TIAM1: variants seen among roughly 807,000 people sequenced by gnomAD.
TIAM1 encodes the protein TIAM Rac1 associated GEF 1, also known as rho guanine nucleotide exchange factor TIAM1.
Under a neutral mutation model 163.5 loss-of-function variants are expected in TIAM1, and 65 were observed. The observed-to-expected ratio is 0.40, with a 90% CI of 0.33 to 0.49. The LOEUF (loss-of-function observed/expected upper bound fraction) is 0.49, where lower values mean the gene tolerates loss of function less well. TIAM1 is among the 20% of genes least tolerant of loss of function. The pLI is 0.77. For synonymous variants in TIAM1, 833 were observed against 810.1 expected (o/e 1.03, Z -0.48); for missense variants, 1,789 against 2,044.7 (o/e 0.87, Z 2.41).
intron 22 of TIAM1, among the ~76,000 whole-genome samples, chr21:31,139,394 A>G (rs1832122104): frequency 6.6e-6 from 1 of 152,214 alleles, no homozygotes; most frequent in South Asian, 2.1e-4. Flanking sequence ...AAAAAAGTTT[A>G]CAGTATTATT....
intron 2 of TIAM1, among the ~76,000 whole-genome samples, chr21:31,387,195 CTTTTTTTTTTTTTTT>C: frequency 1.3e-5 from 1 of 75,162 alleles, no homozygotes; most frequent in South Asian, 4.6e-4. Context: ...AGCTTATTCT[CTTTTTTTTTTTTTTT>C]TTTTTTTTTT....
At chr21:31,521,407 T>C (rs2047578975) in intron 1 of TIAM1, among the ~76,000 whole-genome samples, 2 of 152,278 alleles carry the variant, frequency 1.3e-5, no homozygotes, top group South Asian at 2.1e-4. Flanking sequence ...AGCACTGATA[T>C]TCACATCACA....
intron 7 of TIAM1, among the ~76,000 whole-genome samples, chr21:31,224,602 G>C (rs148376788): frequency 2.9e-4 from 44 of 152,272 alleles, no homozygotes; most frequent in African/African-American, 1.1e-3. Context: ...TTACATTTTG[G>C]GCCAGATTAA....
intron 2 of TIAM1, among the ~76,000 whole-genome samples, chr21:31,374,297 T>A (rs1282004024): frequency 6.6e-6 from 1 of 152,182 alleles, no homozygotes; most frequent in Non-Finnish European, 1.5e-5. Context: ...AAGCAACCAC[T>A]GGGCAAACGA....
intron 1 of TIAM1, among the ~76,000 whole-genome samples, chr21:31,539,995 C>G (rs1016241239): frequency 6.7e-6 from 1 of 148,486 alleles, no homozygotes; most frequent in African/African-American, 2.5e-5. Flanking sequence ...AGTTCAAGAC[C>G]AGCCTAGGCA....
chr21:31,378,136 C>CA (rs367907079), intron 2 of TIAM1, among the ~76,000 whole-genome samples: 11,795 of 47,854 alleles, frequency 0.25, 1,275 homozygotes, highest in Non-Finnish European at 0.28. Context: ...AACTCTGTCT[C>CA]AAAAAAAAAA....
intron 2 of TIAM1, among the ~76,000 whole-genome samples, chr21:31,286,370 T>C (rs1449151428): frequency 6.6e-6 from 1 of 151,890 alleles, no homozygotes; most frequent in Non-Finnish European, 1.5e-5. Context: ...TCGAGACCAG[T>C]CTGGGCAACA....
intron 2 of TIAM1, among the ~76,000 whole-genome samples, chr21:31,289,637 G>A (rs1006740830): frequency 6.6e-6 from 1 of 152,144 alleles, no homozygotes; most frequent in Non-Finnish European, 1.5e-5. Flanking sequence ...AGCATATGAA[G>A]TCATTGCGAA....
chr21:31,238,393 C>T (rs1191325391), intron 6 of TIAM1, among the ~76,000 whole-genome samples: 1 of 152,172 alleles, frequency 6.6e-6, no homozygotes, highest in Non-Finnish European at 1.5e-5. Context: ...AAGCTTTCAC[C>T]ATAGCAAGAA....
chr21:31,540,667 C>G (rs988892911), intron 1 of TIAM1, among the ~76,000 whole-genome samples: 4 of 152,214 alleles, frequency 2.6e-5, no homozygotes, highest in African/African-American at 9.6e-5. Flanking sequence ...TAGAAAGGAC[C>G]TCAGAAACAA....
At chr21:31,296,088 C>T (rs373325925) in intron 2 of TIAM1, among the ~76,000 whole-genome samples, 11 of 152,248 alleles carry the variant, frequency 7.2e-5, no homozygotes, top group South Asian at 2.1e-4. Flanking sequence ...CGTGAGCCAC[C>T]GCACCCGGCC....
intron 2 of TIAM1, among the ~76,000 whole-genome samples, chr21:31,412,307 G>T (rs552477472): frequency 1.3e-5 from 2 of 152,212 alleles, no homozygotes; most frequent in East Asian, 3.9e-4. Flanking sequence ...TAGATGATGA[G>T]AAATTACTTA....
At chr21:31,196,712 T>C (rs575443607) in intron 12 of TIAM1, among the ~76,000 whole-genome samples, 9 of 152,116 alleles carry the variant, frequency 5.9e-5, no homozygotes, top group Non-Finnish European at 8.8e-5. Flanking sequence ...AACTTAGAAC[T>C]ACCGCTTGAC....
intron 1 of TIAM1, among the ~76,000 whole-genome samples, chr21:31,476,489 T>C (rs1001258802): frequency 6.6e-6 from 1 of 152,234 alleles, no homozygotes; most frequent in African/African-American, 2.4e-5. Flanking sequence ...GTCACTCATT[T>C]TGTGTGTACT....
At chr21:31,295,407 T>A (rs544273910) in intron 2 of TIAM1, among the ~76,000 whole-genome samples, 5 of 144,916 alleles carry the variant, frequency 3.5e-5, no homozygotes, top group Middle Eastern at 7.1e-3. Context: ...GAGGCGGAGC[T>A]TGCAGTGCGC....
At chr21:31,484,876 A>G (rs2046222814) in intron 1 of TIAM1, among the ~76,000 whole-genome samples, 1 of 152,160 alleles carries the variant, frequency 6.6e-6, no homozygotes, top group African/African-American at 2.4e-5. Context: ...ACTGGGTAGG[A>G]GGGCAGAGCC....
At chr21:31,302,712 G>A (rs559201220) in intron 2 of TIAM1, among the ~76,000 whole-genome samples, 19 of 152,312 alleles carry the variant, frequency 1.2e-4, no homozygotes, top group African/African-American at 4.6e-4. Flanking sequence ...TGCTTGCACT[G>A]CTTTCTGTAG....
intron 2 of TIAM1, among the ~76,000 whole-genome samples, chr21:31,364,267 A>T (rs11910845): frequency 0.013 from 2,008 of 152,366 alleles, 53 homozygotes; most frequent in African/African-American, 0.046. Flanking sequence ...AAAAATAAAA[A>T]GCATCCCAGG....
intron 27 of TIAM1, among the ~76,000 whole-genome samples, chr21:31,122,368 C>A (rs1264885074): frequency 6.6e-6 from 1 of 152,136 alleles, no homozygotes; most frequent in African/African-American, 2.4e-5. Flanking sequence ...TCCCTCTCTC[C>A]AATCACCACA....
Sources: gnomAD v4.1 joint callset for allele counts (sites outside exome capture counted in the v4.1 genomes callset) on GRCh38, gnomAD v4.1.1 for gene constraint, MANE v1.5 for transcripts, NCBI Gene and HGNC (gene_info 2026-07-23, HGNC 2026-07-21) for gene names.